ARMH3: variants seen among roughly 807,000 people sequenced by gnomAD.
ARMH3 encodes armadillo-like helical domain-containing protein 3.
ARMH3 carries 60 observed loss-of-function variants against 99.1 expected under a neutral mutation model. That is an observed-to-expected ratio of 0.61 (90% confidence interval 0.49 to 0.75). The LOEUF (loss-of-function observed/expected upper bound fraction) is 0.75. ARMH3 is among the 30% of genes least tolerant of loss of function. The probability of loss-of-function intolerance (pLI) is 0.00; values close to 1 mark genes in which losing one functional copy is unlikely to be tolerated. For missense variants in ARMH3, 679 were observed against 843.1 expected (o/e 0.81, Z 2.41); for synonymous variants, 285 against 292.8 (o/e 0.97, Z 0.27).
chr10:101,938,714 C>T (rs949165437), intron 23 of ARMH3, among the ~76,000 whole-genome samples: 4 of 152,166 alleles, frequency 2.6e-5, no homozygotes, highest in Admixed American at 2.0e-4. Context: ...TACAGAAAAT[C>T]GCATTTATCG....
At chr10:101,893,398 T>A (rs867587324) in intron 23 of ARMH3, among the ~76,000 whole-genome samples, 6 of 152,036 alleles carry the variant, frequency 3.9e-5, no homozygotes, top group South Asian at 2.1e-4. Flanking sequence ...ATTTTTTTTT[T>A]AAATTCCTGT....
chr10:101,941,339 T>C (rs1304229079), intron 22 of ARMH3, among the ~76,000 whole-genome samples: 1 of 152,220 alleles, frequency 6.6e-6, no homozygotes, highest in Admixed American at 6.5e-5. Flanking sequence ...ATTATTAATT[T>C]CAACAGACTA....
chr10:102,050,858 GAAA>G (rs768694267), intron 1 of ARMH3, among the ~76,000 whole-genome samples: 1 of 64,806 alleles, frequency 1.5e-5, no homozygotes, highest in Non-Finnish European at 3.1e-5. Flanking sequence ...CTCCATCTCA[GAAA>G]AAAAAAAAAA....
intron 10 of ARMH3, 76 bp downstream of exon 10, chr10:102,012,757 A>C: frequency 7.0e-7 from 1 of 1,419,594 alleles, no homozygotes; most frequent in South Asian, 1.3e-5. Flanking sequence ...AATTTGACCC[A>C]AGAACTCTAA....
intron 24 of ARMH3, among the ~76,000 whole-genome samples, chr10:101,854,118 A>G (rs2066676763): frequency 6.6e-6 from 1 of 152,184 alleles, no homozygotes. Flanking sequence ...GTCTCAAAAA[A>G]AAAGAAAGAA....
intron 23 of ARMH3, among the ~76,000 whole-genome samples, chr10:101,892,932 G>A (rs1286208326): frequency 6.6e-6 from 1 of 152,194 alleles, no homozygotes; most frequent in African/African-American, 2.4e-5. Context: ...CAAGAGAGCT[G>A]GAGATAATAT....
intron 1 of ARMH3, among the ~76,000 whole-genome samples, 152 bp from the exon 2 acceptor site, chr10:102,040,277 A>G (rs2067378546): frequency 6.6e-6 from 1 of 152,216 alleles, no homozygotes. Context: ...TGGTAACAAT[A>G]TATGAATGTA....
intron 5 of ARMH3, among the ~76,000 whole-genome samples, chr10:102,028,069 AAAAG>A (rs1046353266): frequency 3.3e-5 from 5 of 151,958 alleles, no homozygotes; most frequent in African/African-American, 9.7e-5. Context: ...AAAAATAAAG[AAAAG>A]ACAGACAAAA....
intron 10 of ARMH3, among the ~76,000 whole-genome samples, chr10:102,012,414 A>G (rs1564847817): frequency 6.6e-6 from 1 of 152,234 alleles, no homozygotes; most frequent in Non-Finnish European, 1.5e-5. Flanking sequence ...AACATCTGTC[A>G]AACTAGGGCT....
At chr10:101,899,785 T>C (rs1331934243) in intron 23 of ARMH3, among the ~76,000 whole-genome samples, 1 of 152,354 alleles carries the variant, frequency 6.6e-6, no homozygotes, top group Non-Finnish European at 1.5e-5. Flanking sequence ...TTCAGGACAA[T>C]TATTTCCCTC....
chr10:101,969,657 A>G, intron 20 of ARMH3, among the ~76,000 whole-genome samples: 1 of 152,146 alleles, frequency 6.6e-6, no homozygotes, highest in South Asian at 2.1e-4. Flanking sequence ...GCCATGTACA[A>G]TTTCTTTTTC....
At chr10:102,016,487 A>G (rs1374892680) in intron 8 of ARMH3, among the ~76,000 whole-genome samples, 2 of 152,288 alleles carry the variant, frequency 1.3e-5, no homozygotes, top group Admixed American at 1.3e-4. Flanking sequence ...CCTCTTTTAC[A>G]TTATTATCAC....
At chr10:101,927,491 A>G (rs1227604907) in intron 23 of ARMH3, among the ~76,000 whole-genome samples, 1 of 152,212 alleles carries the variant, frequency 6.6e-6, no homozygotes, top group Non-Finnish European at 1.5e-5. Context: ...TGCTCAGAAC[A>G]CAGCCCTTTA....
At chr10:101,937,860 A>G (rs1844059404) in intron 23 of ARMH3, among the ~76,000 whole-genome samples, 1 of 152,130 alleles carries the variant, frequency 6.6e-6, no homozygotes, top group Admixed American at 6.5e-5. Flanking sequence ...TCTCTTAAGA[A>G]AACTGATTTG....
intron 23 of ARMH3, among the ~76,000 whole-genome samples, chr10:101,934,219 T>C (rs1399034421): frequency 2.6e-5 from 4 of 151,936 alleles, no homozygotes. Context: ...CACTTAACCA[T>C]GTGTGTGTGT....
At chr10:102,001,059 C>T (rs1310024754) in intron 15 of ARMH3, among the ~76,000 whole-genome samples, 1 of 152,118 alleles carries the variant, frequency 6.6e-6, no homozygotes, top group Admixed American at 6.6e-5. Context: ...TCAAGTGATC[C>T]TCCCGCCTCA....
At chr10:101,960,376 C>A (rs147435533) in intron 20 of ARMH3, among the ~76,000 whole-genome samples, 3 of 152,302 alleles carry the variant, frequency 2.0e-5, no homozygotes, top group African/African-American at 7.2e-5. Flanking sequence ...CACACAGATT[C>A]TAGCCTCTGA....
intron 24 of ARMH3, among the ~76,000 whole-genome samples, chr10:101,862,635 T>C (rs2066900062): frequency 6.6e-6 from 1 of 151,756 alleles, no homozygotes; most frequent in African/African-American, 2.4e-5. Flanking sequence ...TTGTAAGCCT[T>C]ATAGCAACCA....
intron 20 of ARMH3, among the ~76,000 whole-genome samples, chr10:101,967,575 A>G (rs1845591950): frequency 6.6e-6 from 1 of 152,182 alleles, no homozygotes; most frequent in South Asian, 2.1e-4. Context: ...CGTCTCTACT[A>G]AAAATACAAA....
Sources: allele counts gnomAD v4.1 joint callset (sites outside exome capture counted in the v4.1 genomes callset), GRCh38; gene constraint gnomAD v4.1.1; transcripts MANE v1.5; gene names NCBI Gene and HGNC (gene_info 2026-07-23, HGNC 2026-07-21).